The following EYA2 variants were observed in gnomAD, a reference collection of about 807,000 sequenced individuals.
EYA2 encodes protein phosphatase EYA2.
In EYA2, 31 loss-of-function variants were observed where a neutral mutation model predicts 69.2. That is an observed-to-expected ratio of 0.45 (90% CI 0.34 to 0.60). The LOEUF is 0.60. EYA2 is among the 20% of genes least tolerant of loss of function. The pLI, the probability that EYA2 is intolerant of heterozygous loss-of-function variation, is 0.02. For missense variants in EYA2, 622 were observed against 701.2 expected, an observed-to-expected ratio of 0.89 and a Z score of 1.28; for synonymous variants, 257 against 279.4, an observed-to-expected ratio of 0.92 and a Z score of 0.80.
At chr20:47,166,416 A>T (rs1264074029) in intron 10 of EYA2, among the ~76,000 whole-genome samples, 2 of 140,594 alleles carry the variant, frequency 1.4e-5, no homozygotes, top group African/African-American at 5.7e-5. Flanking sequence ...AAAAAAAAAA[A>T]AAAAAAAAAA....
At chr20:47,070,892 A>G (rs996132492) in intron 5 of EYA2, among the ~76,000 whole-genome samples, 3 of 152,174 alleles carry the variant, frequency 2.0e-5, no homozygotes, top group South Asian at 4.2e-4. Flanking sequence ...CGTGTTGCGC[A>G]GGCTGGAGTG....
Position 47,059,013 on chromosome 20 carries a change from CAA to C in EYA2, c.416-13171_416-13170del, listed in dbSNP as rs374157129. On this transcript the variant is annotated intron_variant, in intron 5 of 15. Coordinates refer to ENST00000327619, the MANE Select transcript of EYA2 (RefSeq NM_005244.5). ...TGCATGTTTTGCACTAATGCACAAA[CAA>C]GAGAATATGCAACAGGCACACCAGA... 3.3e-3 allele frequency among the ~76,000 whole-genome samples: 497 copies of C among 152,288 alleles called. 2 individuals carry two copies. Among genetic ancestry groups the C allele is most frequent in the Non-Finnish European group, 4.7e-3 (318 of 68,024 alleles).
intron 2 of EYA2, among the ~76,000 whole-genome samples, chr20:46,990,640 A>G (rs1458814893): frequency 6.6e-6 from 1 of 152,236 alleles, no homozygotes; most frequent in Non-Finnish European, 1.5e-5. Flanking sequence ...CAGTCGAACT[A>G]GTTTTCACTA....
chr20:47,062,285 C>T (rs1329063771), intron 5 of EYA2, among the ~76,000 whole-genome samples: 1 of 152,210 alleles, frequency 6.6e-6, no homozygotes, highest in Non-Finnish European at 1.5e-5. Context: ...GTCCATTAAA[C>T]ATATCCATCT....
chr20:47,096,798 T>C (rs1341350420), intron 8 of EYA2, among the ~76,000 whole-genome samples: 1 of 152,224 alleles, frequency 6.6e-6, no homozygotes, highest in Non-Finnish European at 1.5e-5. Context: ...CGTTGTTGAT[T>C]TTGGCCTGAA....
At chr20:47,176,814 C>A (rs1461287183) in intron 12 of EYA2, among the ~76,000 whole-genome samples, 1 of 148,914 alleles carries the variant, frequency 6.7e-6, no homozygotes, top group Non-Finnish European at 1.5e-5. Context: ...TTTTTTGAGA[C>A]AGAGTCTCAC....
intron 1 of EYA2, among the ~76,000 whole-genome samples, chr20:46,987,964 C>CTCTCTCTCTATATATATA (rs1555809797): frequency 8.9e-5 from 1 of 11,266 alleles, no homozygotes; most frequent in African/African-American, 2.8e-4. Context: ...CTCTCTCTCT[C>CTCTCTCTCTATATATATA]TATATATATA....
chr20:47,061,346 G>A (rs563531025), intron 5 of EYA2, among the ~76,000 whole-genome samples: 30 of 152,214 alleles, frequency 2.0e-4, no homozygotes, highest in African/African-American at 7.2e-4. Flanking sequence ...CGGCAATATA[G>A]CAAGACCCCA....
intron 5 of EYA2, among the ~76,000 whole-genome samples, chr20:47,053,821 G>C (rs367851586): frequency 1.2e-4 from 18 of 151,876 alleles, no homozygotes; most frequent in African/African-American, 4.3e-4. Flanking sequence ...TTGAGAATAC[G>C]TGGGCTAAAA....
At chr20:47,174,705 T>G (rs568870285) in intron 12 of EYA2, among the ~76,000 whole-genome samples, 1 of 152,364 alleles carries the variant, frequency 6.6e-6, no homozygotes, top group South Asian at 2.1e-4. Context: ...TCCTTCACTC[T>G]TCACAGCATG....
intron 12 of EYA2, among the ~76,000 whole-genome samples, chr20:47,174,386 T>C (rs991808589): frequency 5.3e-5 from 8 of 152,338 alleles, no homozygotes; most frequent in Admixed American, 2.6e-4. Flanking sequence ...ATACTTCTGC[T>C]TCCCTGGATT....
intron 5 of EYA2, among the ~76,000 whole-genome samples, chr20:47,064,041 A>C (rs923413239): frequency 6.6e-6 from 1 of 152,194 alleles, no homozygotes; most frequent in African/African-American, 2.4e-5. Flanking sequence ...CTGCAGCTTC[A>C]ACTTCCCAGG....
chr20:46,941,814 A>C (rs1410624278), intron 1 of EYA2, among the ~76,000 whole-genome samples: 1 of 151,802 alleles, frequency 6.6e-6, no homozygotes, highest in Non-Finnish European at 1.5e-5. Flanking sequence ...GCTGGAGTGC[A>C]GTGGTGCCAT....
chr20:46,905,774 T>A (rs950787737), intron 1 of EYA2, among the ~76,000 whole-genome samples: 2 of 152,172 alleles, frequency 1.3e-5, no homozygotes, highest in Non-Finnish European at 2.9e-5. Context: ...CCCAATCTCC[T>A]CATCAGCCCA....
At chr20:47,074,383 T>C in intron 7 of EYA2, 48 bp downstream of exon 7, 2 of 1,589,686 alleles carry the variant, frequency 1.3e-6, no homozygotes, top group Non-Finnish European at 1.7e-6. Context: ...GTCTGAGAGC[T>C]TCTATGAAGG....
intron 5 of EYA2, among the ~76,000 whole-genome samples, chr20:47,036,190 G>A (rs974216196): frequency 2.6e-5 from 4 of 152,140 alleles, no homozygotes; most frequent in African/African-American, 9.7e-5. Context: ...GCTGGGAGGT[G>A]GCGTAACCGG....
chr20:47,116,994 ATTT>A (rs11482114), intron 9 of EYA2, among the ~76,000 whole-genome samples: 1,598 of 117,022 alleles, frequency 0.014, 27 homozygotes, highest in African/African-American at 0.051. Context: ...ATGCATCTGC[ATTT>A]TTTTTTTTTT....
At position 47,183,385 on chromosome 20, in the gene EYA2, G is replaced by A. The variant is rs760562862; in HGVS notation, c.1530G>A (p.Ala510=). The A allele has an allele frequency of 3.8e-5, 61 of 1,613,112 alleles. No individual in the cohort carries two copies. The highest frequency in any genetic ancestry group is 3.6e-4 in the East Asian group (16 of 44,864). ...ATGGTGTGGAAGAGGAGCAAGGAGC[G>A]AAAAAGGTACTTCTTCCACCTCTCA... ...IGDGVEEEQG[A]KKHNMPFWRI... is the part of the protein sequence containing the mutation. The change falls in exon 15 of 16, where the codon GCG becomes GCA. Residue 510 remains alanine, a synonymous_variant. Coordinates refer to ENST00000327619, the MANE Select transcript of EYA2 (RefSeq NM_005244.5).
At chr20:47,177,087 C>T (rs762725812) in intron 12 of EYA2, among the ~76,000 whole-genome samples, 1 of 151,978 alleles carries the variant, frequency 6.6e-6, no homozygotes, top group African/African-American at 2.4e-5. Flanking sequence ...CATGAGCCAC[C>T]CTGCCTGGCC....
Sources: gnomAD v4.1 joint callset for allele counts (sites outside exome capture counted in the v4.1 genomes callset) on GRCh38, gnomAD v4.1.1 for gene constraint, MANE v1.5 for transcripts, NCBI Gene and HGNC (gene_info 2026-07-23, HGNC 2026-07-21) for gene names.